Variants in HERC2 observed in about 807,000 individuals in gnomAD.
HERC2 encodes the protein E3 ubiquitin-protein ligase HERC2.
Under a neutral mutation model 537.7 loss-of-function variants are expected in HERC2, and 102 were observed. The observed-to-expected ratio is 0.19, with a 90% CI of 0.16 to 0.22. The LOEUF (loss-of-function observed/expected upper bound fraction) is 0.22, where lower values mean the gene tolerates loss of function less well. HERC2 is among the 10% of genes least tolerant of loss of function. The pLI is 1.00. For missense variants in HERC2, 4,236 were observed against 6,198.2 expected, an observed-to-expected ratio of 0.68 and a Z score of 10.63; for synonymous variants, 2,224 against 2,466.2, an observed-to-expected ratio of 0.90 and a Z score of 2.91.
rs1250593636 is a variant in HERC2 at position 28,207,492 on chromosome 15, C to T, written c.7070-1110G>A. ...TCAGTAACCCCTGACACAGACACATCCCACGTGCATATTTCTAGCTGTAGC... is the reference window on the plus strand; with the variant it reads ...TCAGTAACCCCTGACACAGACACATTCCACGTGCATATTTCTAGCTGTAGC... On this transcript the variant is annotated intron_variant, in intron 44 of 92. Transcript: ENST00000261609. Among the ~76,000 whole-genome samples the T allele has an allele frequency of 3.3e-5, 5 of 152,314 alleles. No individual in the cohort carries two copies. In the East Asian group the frequency reaches 9.7e-4, roughly 29 times the overall value.
At chr15:28,183,191 C>A (rs1336638436) in intron 56 of HERC2, among the ~76,000 whole-genome samples, 2 of 152,102 alleles carry the variant, frequency 1.3e-5, no homozygotes, top group Non-Finnish European at 2.9e-5. Flanking sequence ...GACCTGCCCT[C>A]AACAGGTTAG....
In HERC2 at chr15:28,168,380, C is replaced by G. The variant is rs540488488; in HGVS notation, c.10413+27G>C. The G allele has an allele frequency of 1.3e-5, 21 of 1,605,446 alleles. No individual in the cohort carries two copies. The South Asian group carries it at 1.8e-4, about 14-fold the overall frequency. ...AAGTAGCCACCTTTTCCTTTCTGAT[C>G]TAACATTGCTTTAGATTCGCTTTTA... On this transcript the variant is annotated intron_variant, in intron 67 of 92. Transcript: ENST00000261609.
rs113103290 is a variant in HERC2, at chr15:28,262,712, G to A, written c.2122+206C>T. Reference sequence around the variant, plus strand: ...ATTACATTTCAGTCATTTTGTAATAGACACCCACTTTCCAATTAGTATCAA... The same window carrying A: ...ATTACATTTCAGTCATTTTGTAATAAACACCCACTTTCCAATTAGTATCAA... On this transcript the variant is annotated intron_variant, in intron 15 of 92. Coordinates refer to ENST00000261609, the MANE Select transcript of HERC2 (RefSeq NM_004667.6). 4.1e-3 allele frequency among the ~76,000 whole-genome samples: 619 copies of A among 152,216 alleles called. 5 individuals carry two copies. Among genetic ancestry groups the A allele is most frequent in the Non-Finnish European group, 5.8e-3 (392 of 68,026 alleles).
Position 28,125,090 on chromosome 15 carries a change from C to T in HERC2, c.12906G>A (p.Lys4302=), listed in dbSNP as rs1214963606. The part of the protein sequence containing the change: ...PRLVAALQGK[K]VNRVACGSAH... ...CTGAGCCACAGGCCACACGGTTGAC[C>T]TTCTTACCCTGAAGGGCAGCTACCA... The change falls in exon 84 of 93, where the codon AAG becomes AAA. Residue 4302 remains lysine (K), a synonymous_variant. Transcript: ENST00000261609. 1.9e-6 allele frequency: 3 copies of T among 1,614,178 alleles called. No homozygotes were observed. Among genetic ancestry groups the T allele is most frequent in the East Asian group, 4.5e-5 (2 of 44,880 alleles).
chr15:28,211,507 A>G (rs1197230754), intron 43 of HERC2, among the ~76,000 whole-genome samples: 1 of 152,202 alleles, frequency 6.6e-6, no homozygotes, highest in East Asian at 1.9e-4. Flanking sequence ...CCTCTGAGAG[A>G]ATCTGTCAGC....
chr15:28,163,126 C>A lies in HERC2; in HGVS notation c.10714G>T (p.Val3572Leu), dbSNP rs893377304. ...GDRGRDVLSA[V>L]LSGMGTAYPQ... ...TAGGCGGTCCCCATGCCGGAAAGCA[C>A]CGCGGAGAGCACATCCCTGCCCCTG... is the stretch of plus-strand genomic sequence containing the variant. Residue 3572 changes from valine (V) to leucine (L), a missense_variant, in exon 69 of 93, where the codon GTG (valine) becomes TTG (leucine). By Grantham distance (32) the Val-to-Leu change is conservative. Around this residue, in one of 27 missense-constraint regions of HERC2, gnomAD observed 356 missense variants for 450.9 expected, o/e 0.79. Transcript: ENST00000261609. 1 of 1,611,832 alleles carries A rather than the reference C, an allele frequency of 6.2e-7. No homozygotes were observed. The highest frequency in any genetic ancestry group is 1.6e-4 in the Middle Eastern group (1 of 6,062).
intron 69 of HERC2, among the ~76,000 whole-genome samples, chr15:28,154,395 G>C (rs957315614): frequency 1.3e-5 from 2 of 152,182 alleles, no homozygotes; most frequent in African/African-American, 4.8e-5. Context: ...CACAGAAATA[G>C]CCATCTTGCC....
chr15:28,232,224 T>A (rs1035225261), intron 30 of HERC2, among the ~76,000 whole-genome samples: 13 of 152,154 alleles, frequency 8.5e-5, no homozygotes, highest in African/African-American at 3.1e-4. Flanking sequence ...AGCAGGTTTG[T>A]GAGTAAATCA....
chr15:28,301,915 T>A (rs1319499244), intron 2 of HERC2, among the ~76,000 whole-genome samples: 1 of 150,814 alleles, frequency 6.6e-6, no homozygotes, highest in East Asian at 2.0e-4. Flanking sequence ...TTCTCCTGCC[T>A]CAGCCTCCAG....
intron 2 of HERC2, among the ~76,000 whole-genome samples, chr15:28,304,625 A>T (rs1217494744): frequency 6.6e-6 from 1 of 151,424 alleles, no homozygotes; most frequent in East Asian, 1.9e-4. Flanking sequence ...CAGCCTCCCA[A>T]AGTGCTGGGA....
At chr15:28,239,252 T>C (rs1902793352) in intron 23 of HERC2, among the ~76,000 whole-genome samples, 1 of 152,148 alleles carries the variant, frequency 6.6e-6, no homozygotes, top group Non-Finnish European at 1.5e-5. Flanking sequence ...GACATACAAC[T>C]AAATGCATGC....
At chr15:28,148,115 C>T (rs1891963168) in intron 70 of HERC2, among the ~76,000 whole-genome samples, 2 of 149,978 alleles carry the variant, frequency 1.3e-5, no homozygotes, top group African/African-American at 4.9e-5. Context: ...CAGAAAGATA[C>T]ACCCACAAAA....
chr15:28,158,235 G>C (rs1037708744), intron 69 of HERC2, among the ~76,000 whole-genome samples: 26 of 152,318 alleles, frequency 1.7e-4, no homozygotes, highest in Admixed American at 9.8e-4. Flanking sequence ...GGAGAGTTCT[G>C]TAGATGTCTA....
chr15:28,143,942 T>G lies in HERC2; in HGVS notation c.11349A>C (p.Thr3783=). Residue 3783 remains threonine, a synonymous_variant, in exon 74 of 93, where the codon ACA becomes ACC. Transcript: ENST00000261609. ...TGTTAATTGACTGCCCAAATTCAGT[T>G]GTAAGCAGCTTCCTCAGTCTCTGAA... ...WALQRLRKLL[T]TEFGQSININ... 1 of 1,614,122 alleles carries G rather than the reference T, an allele frequency of 6.2e-7. No homozygotes were observed. The highest frequency in any genetic ancestry group is 8.5e-7 in the Non-Finnish European group (1 of 1,180,022).
In HERC2 at chr15:28,115,514, G is replaced by C; in HGVS notation, c.13637C>G (p.Thr4546Ser). 6.2e-7 allele frequency: 1 copy of C among 1,613,952 alleles called. No individual in the cohort carries two copies. Among genetic ancestry groups the C allele is most frequent in the Non-Finnish European group, 8.5e-7 (1 of 1,179,946 alleles). The change falls in exon 89 of 93, where the codon ACC (threonine) becomes AGC (serine). Residue 4546 changes from threonine to serine, a missense_variant. Coordinates refer to ENST00000261609, the MANE Select transcript of HERC2 (RefSeq NM_004667.6). ...LGVLLGIAIR[T>S]GSPLSLNLAE... ...AAGGTTGAGGCTCAGGGGACTCCCGGTTCGGATGGCAATGCCCAGCAACAC... is the reference window on the plus strand; with the variant it reads ...AAGGTTGAGGCTCAGGGGACTCCCGCTTCGGATGGCAATGCCCAGCAACAC...
intron 50 of HERC2, among the ~76,000 whole-genome samples, chr15:28,197,211 G>A (rs1264038870): frequency 6.6e-6 from 1 of 152,206 alleles, no homozygotes; most frequent in African/African-American, 2.4e-5. Flanking sequence ...CTGATGAAAA[G>A]AGAGCCTTCC....
At chr15:28,132,028 T>TCC in intron 81 of HERC2, 72 bp downstream of exon 81, 1 of 1,281,574 alleles carries the variant, frequency 7.8e-7, no homozygotes, top group Non-Finnish European at 1.0e-6. Flanking sequence ...GGCTGTGTTT[T>TCC]CCCAGAGGGG....
rs1894287416 is a variant in HERC2, at chr15:28,167,715, A to G, written c.10526T>C (p.Ile3509Thr). Reference sequence around the variant, plus strand: ...TTTGGTTTTGGTCATGGTTTCTGCAATGATGCTTGCGGCTCCCAGGTCATC... The same window carrying G: ...TTTGGTTTTGGTCATGGTTTCTGCAGTGATGCTTGCGGCTCCCAGGTCATC... Reference protein sequence around the residue: ...VTDDLGAASIIAETMTKTKED... With the variant: ...VTDDLGAASITAETMTKTKED... Residue 3509 changes from isoleucine to threonine, a missense_variant, in exon 68 of 93, where the codon ATT (isoleucine) becomes ACT (threonine). Ile to Thr is a moderately conservative substitution (Grantham distance 89, BLOSUM62 -1). Coordinates refer to ENST00000261609, the MANE Select transcript of HERC2 (RefSeq NM_004667.6). 2 of 1,614,078 alleles carry G rather than the reference A, an allele frequency of 1.2e-6. No homozygotes were observed. The highest frequency in any genetic ancestry group is 1.7e-6 in the Non-Finnish European group (2 of 1,180,054).
chr15:28,142,303 T>C lies in HERC2; in HGVS notation c.11635A>G (p.Met3879Val), dbSNP rs1891309513. 6.2e-7 allele frequency: 1 copy of C among 1,614,186 alleles called. No individual in the cohort carries two copies. The highest frequency in any genetic ancestry group is 8.5e-7 in the Non-Finnish European group (1 of 1,180,026). The change falls in exon 76 of 93, where the codon ATG becomes GTG. Residue 3879 changes from methionine to valine, a missense_variant. Around this residue, in one of 27 missense-constraint regions of HERC2, gnomAD observed 156 missense variants for 172.3 expected, o/e 0.91. Transcript: ENST00000261609. ...AGGGCCACAGCAACACGGGAGGCCA[T>C]GCAGTACCTCCGGAACCAGGCCCAC... is the stretch of plus-strand genomic sequence containing the variant. Reference protein sequence around the residue: ...HKWAWFRRYCMASRVAVALDK... With the variant: ...HKWAWFRRYCVASRVAVALDK...
Sources: gnomAD v4.1 joint callset for allele counts (sites outside exome capture counted in the v4.1 genomes callset) on GRCh38, gnomAD v4.1.1 for gene constraint, gnomAD v4.1.1 regional missense constraint, MANE v1.5 for transcripts, NCBI Gene and HGNC (gene_info 2026-07-23, HGNC 2026-07-21) for gene names.